Variants in CD200R1 observed in about 807,000 individuals in gnomAD.
CD200R1 encodes cell surface glycoprotein CD200 receptor 1.
A neutral mutation model predicts 38.1 loss-of-function variants in CD200R1; 30 were observed. That is an observed-to-expected ratio of 0.79 (90% CI 0.59 to 1.07). The LOEUF (loss-of-function observed/expected upper bound fraction) is 1.07, where lower values mean the gene tolerates loss of function less well. Among genes scored for constraint, CD200R1 ranks in the 50% least tolerant of loss-of-function variants. CD200R1 has a pLI of 0.00. For missense variants in CD200R1, 372 were observed against 415.4 expected, an observed-to-expected ratio of 0.90 and a Z score of 0.91; for synonymous variants, 128 against 152.1, an observed-to-expected ratio of 0.84 and a Z score of 1.16.
chr3:112,964,056 C>T (rs1345451857), intron 1 of CD200R1, among the ~76,000 whole-genome samples: 1 of 152,186 alleles, frequency 6.6e-6, no homozygotes, highest in Non-Finnish European at 1.5e-5. Context: ...TTGAGCCTGC[C>T]AGTGCATGGA....
At chr3:112,948,071 A>G in intron 1 of CD200R1, 147 bp from the exon 2 acceptor site, 3 of 650,924 alleles carry the variant, frequency 4.6e-6, no homozygotes, top group South Asian at 3.5e-5. Flanking sequence ...CAGCCAAGCA[A>G]AAGTCTTGGC....
rs1455442839 is a variant in CD200R1 at position 112,975,057 on chromosome 3, A to G, written c.-200T>C. 9 of 558,330 alleles carry G rather than the reference A, an allele frequency of 1.6e-5. No individual in the cohort carries two copies. The East Asian group carries it at 2.5e-4, about 16-fold the overall frequency. The allele number at this position is 558,330 out of a possible 1,614,324, so 34.6% of individuals were successfully genotyped here. A position where few individuals can be genotyped will look rare whatever the true frequency, so the allele number is the denominator to read the frequency against. On this transcript the variant is annotated 5_prime_UTR_variant, in exon 1 of 8. Transcript: ENST00000308611. Reference sequence around the variant, plus strand: ...TTAGCCTGGTTAGTAACTTGGACGAACAGAAGCTTTTCTCTGGAACTTGAC... The same window carrying G: ...TTAGCCTGGTTAGTAACTTGGACGAGCAGAAGCTTTTCTCTGGAACTTGAC...
chr3:112,927,390 T>C (rs1360060307), intron 5 of CD200R1, among the ~76,000 whole-genome samples: 1 of 151,714 alleles, frequency 6.6e-6, no homozygotes, highest in Non-Finnish European at 1.5e-5. Context: ...ACATAACAAA[T>C]CTCTAGTTAT....
chr3:112,955,491 C>A (rs7431174), intron 1 of CD200R1, among the ~76,000 whole-genome samples: 4,294 of 151,012 alleles, frequency 0.028, 193 homozygotes, highest in East Asian at 0.22. Context: ...ATATAAAGAC[C>A]TTTTTGGTCT....
At chr3:112,957,894 T>C (rs1477205704) in intron 1 of CD200R1, among the ~76,000 whole-genome samples, 1 of 152,140 alleles carries the variant, frequency 6.6e-6, no homozygotes, top group Non-Finnish European at 1.5e-5. Flanking sequence ...AGATGTTCAA[T>C]ATTAGTAACC....
At chr3:112,974,184 C>T (rs1258453817) in intron 1 of CD200R1, among the ~76,000 whole-genome samples, 1 of 151,814 alleles carries the variant, frequency 6.6e-6, no homozygotes, top group African/African-American at 2.4e-5. Context: ...GCCTGTAATC[C>T]CAATGCTTTG....
chr3:112,928,684 G>T, intron 5 of CD200R1, 132 bp downstream of exon 5: 1 of 676,044 alleles, frequency 1.5e-6, no homozygotes, highest in Non-Finnish European at 2.5e-6. Context: ...TCTTTATTTT[G>T]GTCAGGGAAG....
At chr3:112,930,284 A>T (rs1386940119) in intron 3 of CD200R1, among the ~76,000 whole-genome samples, 2 of 152,176 alleles carry the variant, frequency 1.3e-5, no homozygotes, top group East Asian at 3.8e-4. Flanking sequence ...TTTTATTAAA[A>T]ATATTTTATT....
At chr3:112,969,008 A>G (rs900140646) in intron 1 of CD200R1, among the ~76,000 whole-genome samples, 1 of 152,190 alleles carries the variant, frequency 6.6e-6, no homozygotes, top group Non-Finnish European at 1.5e-5. Flanking sequence ...TGACCCAGAC[A>G]CTCGCATTCT....
chr3:112,974,477 A>G (rs1933391648), intron 1 of CD200R1, among the ~76,000 whole-genome samples: 1 of 152,038 alleles, frequency 6.6e-6, no homozygotes, highest in Non-Finnish European at 1.5e-5. Context: ...AAGAGAACCT[A>G]ACTGACTTTG....
Position 112,929,052 on chromosome 3 carries a change from A to G in CD200R1, c.533T>C (p.Val178Ala). 1.2e-6 allele frequency: 2 copies of G among 1,613,818 alleles called. No homozygotes were observed. Among genetic ancestry groups the G allele is most frequent in the South Asian group, 2.2e-5 (2 of 91,076 alleles). The stretch of plus-strand genomic sequence containing the variant: ...TCTATTCCTGTTTTGAAACAGGGTC[A>G]CTTCAGGTGTAACTGCAGAGAGGAA... ...YHLQVLVTPE[V>A]TLFQNRNRTA... The change falls in exon 5 of 8, where the codon GTG becomes GCG. Residue 178 changes from valine (V) to alanine (A), a missense_variant. Coordinates refer to ENST00000308611, the MANE Select transcript of CD200R1 (RefSeq NM_138806.4).
intron 2 of CD200R1, among the ~76,000 whole-genome samples, chr3:112,935,029 C>T (rs1940544052): frequency 6.6e-6 from 1 of 152,158 alleles, no homozygotes; most frequent in African/African-American, 2.4e-5. Flanking sequence ...GGAATTTATT[C>T]AGCAAGACGA....
At position 112,934,608 on chromosome 3, in the gene CD200R1, T is replaced by C. The variant is rs1576131181; in HGVS notation, c.137-3437A>G. ...ACTTTGGGAGGCCAAGGAGGGTGCA[T>C]TACCTGAAGTCAAGAGTTTGAGACT... is the stretch of plus-strand genomic sequence containing the variant. On this transcript the variant is annotated intron_variant, in intron 2 of 7. Transcript: ENST00000308611. Among the ~76,000 whole-genome samples the C allele has an allele frequency of 2.0e-5, 3 of 152,194 alleles. No individual in the cohort carries two copies. The South Asian group carries it at 6.2e-4, about 32-fold the overall frequency.
chr3:112,939,869 C>CAAAAAACAAACAAACAA (rs1940684316), intron 2 of CD200R1, among the ~76,000 whole-genome samples: 1 of 120,388 alleles, frequency 8.3e-6, no homozygotes, highest in African/African-American at 3.1e-5. Flanking sequence ...ACAAACAAAC[C>CAAAAAACAAACAAACAA]AAAAAAAAAA....
chr3:112,971,461 T>C (rs1933307925), intron 1 of CD200R1, among the ~76,000 whole-genome samples: 1 of 152,150 alleles, frequency 6.6e-6, no homozygotes, highest in African/African-American at 2.4e-5. Flanking sequence ...GAATTTAATA[T>C]CTTCCTCCAC....
At chr3:112,974,080 A>C (rs73214317) in intron 1 of CD200R1, among the ~76,000 whole-genome samples, 5,379 of 152,256 alleles carry the variant, frequency 0.035, 138 homozygotes, top group Non-Finnish European at 0.055. Context: ...AAACTGTCCT[A>C]ATCTATGCCA....
chr3:112,959,976 G>A (rs902879356), intron 1 of CD200R1, among the ~76,000 whole-genome samples: 4 of 151,900 alleles, frequency 2.6e-5, no homozygotes, highest in Admixed American at 6.6e-5. Flanking sequence ...TTAAAAATAA[G>A]GAATTACTCA....
At chr3:112,933,065 A>C (rs1317575029) in intron 2 of CD200R1, among the ~76,000 whole-genome samples, 1 of 152,150 alleles carries the variant, frequency 6.6e-6, no homozygotes, top group Non-Finnish European at 1.5e-5. Flanking sequence ...CACAGCAGGC[A>C]TGCCCCTGGT....
intron 1 of CD200R1, among the ~76,000 whole-genome samples, chr3:112,955,882 G>T (rs1195021917): frequency 6.7e-6 from 1 of 149,752 alleles, no homozygotes; most frequent in Non-Finnish European, 1.5e-5. Context: ...AGGTACATTT[G>T]AGCCCGTTTT....
Sources: gnomAD v4.1 joint callset for allele counts (sites outside exome capture counted in the v4.1 genomes callset) on GRCh38, gnomAD v4.1.1 for gene constraint, MANE v1.5 for transcripts, NCBI Gene and HGNC (gene_info 2026-07-23, HGNC 2026-07-21) for gene names.